Variants in ANO5 observed in about 807,000 individuals in gnomAD.
The protein encoded by ANO5 is anoctamin 5, also known as anoctamin-5.
Under a neutral mutation model 121.0 loss-of-function variants are expected in ANO5, and 109 were observed. The observed-to-expected ratio is 0.90, with a 90% CI of 0.77 to 1.06. The LOEUF (loss-of-function observed/expected upper bound fraction) is 1.06, where lower values mean the gene tolerates loss of function less well. ANO5 is among the 50% of genes least tolerant of loss of function. The pLI, the probability that ANO5 is intolerant of heterozygous loss-of-function variation, is 0.00. For synonymous variants in ANO5, 406 were observed against 359.9 expected, an observed-to-expected ratio of 1.13 and a Z score of -1.45; for missense variants, 1,064 against 1,078.5, an observed-to-expected ratio of 0.99 and a Z score of 0.19.
At chr11:22,207,919 T>C (rs899830979) in intron 2 of ANO5, among the ~76,000 whole-genome samples, 1 of 152,018 alleles carries the variant, frequency 6.6e-6, no homozygotes, top group Non-Finnish European at 1.5e-5. Context: ...CAAATAAGCA[T>C]ATGAAAAGAT....
intron 9 of ANO5, among the ~76,000 whole-genome samples, chr11:22,249,806 GAT>G: frequency 6.6e-6 from 1 of 152,208 alleles, no homozygotes; most frequent in East Asian, 1.9e-4. Flanking sequence ...GTTTTAGAGA[GAT>G]AAAGCAAAAG....
At chr11:22,278,521 GTTCTT>G (rs897000864) in intron 21 of ANO5, among the ~76,000 whole-genome samples, 11 of 140,614 alleles carry the variant, frequency 7.8e-5, no homozygotes, top group African/African-American at 2.8e-4. Flanking sequence ...CTTATATCTG[GTTCTT>G]TTCCTTTTTT....
intron 1 of ANO5, among the ~76,000 whole-genome samples, chr11:22,202,638 A>G (rs895123084): frequency 6.6e-6 from 1 of 152,108 alleles, no homozygotes; most frequent in Middle Eastern, 3.2e-3. Context: ...TCTTCACATG[A>G]TGGAAGAGGG....
At chr11:22,236,765 C>G (rs1029860769) in intron 8 of ANO5, among the ~76,000 whole-genome samples, 3 of 152,162 alleles carry the variant, frequency 2.0e-5, no homozygotes, top group Non-Finnish European at 2.9e-5. Flanking sequence ...GACTAGGACT[C>G]TCCTAGAAAT....
At chr11:22,206,096 A>G (rs1412427844) in intron 2 of ANO5, among the ~76,000 whole-genome samples, 1 of 152,124 alleles carries the variant, frequency 6.6e-6, no homozygotes, top group East Asian at 1.9e-4. Context: ...AGAAAAACAG[A>G]TGCTTCTCAA....
At chr11:22,225,936 TAAAAC>T (rs748664107) in intron 5 of ANO5, 43 bp from the exon 6 acceptor site, 11 of 1,452,906 alleles carry the variant, frequency 7.6e-6, no homozygotes, top group East Asian at 2.3e-5. Flanking sequence ...ACTGAGCAAA[TAAAAC>T]AAAAGCATTC....
chr11:22,234,664 G>A (rs1355602107), intron 7 of ANO5, among the ~76,000 whole-genome samples: 5 of 152,082 alleles, frequency 3.3e-5, no homozygotes, highest in South Asian at 4.1e-4. Flanking sequence ...AGGAGGTGGG[G>A]CAAGTCACTT....
chr11:22,210,248 T>C (rs78706303), intron 2 of ANO5, among the ~76,000 whole-genome samples: 9,202 of 151,962 alleles, frequency 0.061, 921 homozygotes, highest in African/African-American at 0.21. Flanking sequence ...TTAAATATAG[T>C]GGTATGAAAA....
At chr11:22,250,160 C>A in intron 9 of ANO5, 77 bp from the exon 10 acceptor site, 1 of 1,363,826 alleles carries the variant, frequency 7.3e-7, no homozygotes, top group Non-Finnish European at 1.0e-6. Context: ...GAATATATGC[C>A]TGTCTGAATA....
chr11:22,267,508 T>TTTTATA (rs1554932860), intron 17 of ANO5, among the ~76,000 whole-genome samples: 1 of 126,064 alleles, frequency 7.9e-6, no homozygotes, highest in African/African-American at 4.7e-5. Flanking sequence ...ATATCTACAA[T>TTTTATA]TATATATATA....
At chr11:22,276,057 ATTAT>A (rs775211918) in intron 20 of ANO5, 33 bp from the exon 21 acceptor site, 313 of 1,239,674 alleles carry the variant, frequency 2.5e-4, no homozygotes, top group East Asian at 3.3e-4. Context: ...TATAACTATT[ATTAT>A]TTTTTTTTTT....
In ANO5 at chr11:22,277,685, G is replaced by A. The variant is rs201266013; in HGVS notation, c.2520+1486G>A. 17 of 151,152 alleles carry A rather than the reference G, an allele frequency of 1.1e-4. No homozygotes were observed. The East Asian group carries it at 3.1e-3, about 28-fold the overall frequency. 9.4% of individuals were successfully genotyped at this position (151,152 alleles called of 1,614,324 possible). On this transcript the variant is annotated intron_variant, in intron 21 of 21. Transcript: ENST00000324559. Reference sequence around the variant, plus strand: ...TATCAGTCTTTCATTCCAACATTTTGCGTCAGAAGTTTAGATCACCTTTCA... The same window carrying A: ...TATCAGTCTTTCATTCCAACATTTTACGTCAGAAGTTTAGATCACCTTTCA...
chr11:22,265,331 C>A (rs559112594), intron 17 of ANO5, among the ~76,000 whole-genome samples: 3 of 152,086 alleles, frequency 2.0e-5, no homozygotes, highest in Non-Finnish European at 4.4e-5. Flanking sequence ...AAATAGTGTT[C>A]CCCTTTCATT....
intron 7 of ANO5, among the ~76,000 whole-genome samples, chr11:22,230,974 G>A (rs1044323349): frequency 1.3e-5 from 2 of 151,750 alleles, no homozygotes; most frequent in Admixed American, 6.6e-5. Flanking sequence ...CTTCCTACCC[G>A]TGCTTTTGCT....
intron 21 of ANO5, among the ~76,000 whole-genome samples, chr11:22,279,233 CT>C (rs1854983646): frequency 6.6e-6 from 1 of 151,806 alleles, no homozygotes; most frequent in South Asian, 2.1e-4. Flanking sequence ...GTTTGCTAGC[CT>C]TTTTCACTCT....
At chr11:22,235,568 G>A (rs139979184) in intron 7 of ANO5, among the ~76,000 whole-genome samples, 83 of 152,192 alleles carry the variant, frequency 5.5e-4, no homozygotes, top group African/African-American at 2.0e-3. Flanking sequence ...ATTTTGAAAA[G>A]TTGTTGGAAG....
chr11:22,221,931 A>G (rs907105862), intron 5 of ANO5, among the ~76,000 whole-genome samples: 11 of 152,006 alleles, frequency 7.2e-5, no homozygotes, highest in Non-Finnish European at 5.9e-5. Context: ...CCATACATAT[A>G]CAGGTCTGTC....
chr11:22,218,981 G>A (rs142916650), intron 4 of ANO5, among the ~76,000 whole-genome samples: 45 of 152,110 alleles, frequency 3.0e-4, no homozygotes, highest in African/African-American at 1.1e-3. Context: ...ATAAACAAAT[G>A]CACACACATG....
intron 18 of ANO5, among the ~76,000 whole-genome samples, chr11:22,270,844 A>G (rs749679644): frequency 5.3e-5 from 8 of 152,156 alleles, no homozygotes; most frequent in Non-Finnish European, 8.8e-5. Flanking sequence ...TGCAATTAGT[A>G]TATGTCCTTT....
Sources: allele counts gnomAD v4.1 joint callset (sites outside exome capture counted in the v4.1 genomes callset), GRCh38; gene constraint gnomAD v4.1.1; transcripts MANE v1.5; gene names NCBI Gene and HGNC (gene_info 2026-07-23, HGNC 2026-07-21).